Variants in TESK2 observed in about 807,000 individuals in gnomAD.
The protein encoded by TESK2 is testis associated actin remodelling kinase 2, also known as dual specificity testis-specific protein kinase 2.
In TESK2, 39 loss-of-function variants were observed where a neutral mutation model predicts 57.1. The observed-to-expected ratio is 0.68, with a 90% CI of 0.53 to 0.89. The LOEUF (loss-of-function observed/expected upper bound fraction) is 0.89, where lower values mean the gene tolerates loss of function less well. Among genes scored for constraint, TESK2 ranks in the 40% least tolerant of loss-of-function variants. The pLI, the probability that TESK2 is intolerant of heterozygous loss-of-function variation, is 0.00. For missense variants in TESK2, 646 were observed against 732.1 expected (o/e 0.88, Z 1.36); for synonymous variants, 249 against 267.9 (o/e 0.93, Z 0.69).
intron 3 of TESK2, among the ~76,000 whole-genome samples, chr1:45,391,455 C>A (rs993403571): frequency 6.6e-6 from 1 of 152,090 alleles, no homozygotes. Context: ...TTGTGTCAAG[C>A]AATCCTCCTG....
intron 1 of TESK2, among the ~76,000 whole-genome samples, chr1:45,458,953 ACTC>A (rs1652227337): frequency 6.6e-6 from 1 of 151,996 alleles, no homozygotes; most frequent in Non-Finnish European, 1.5e-5. Flanking sequence ...CAACATTGTG[ACTC>A]CTCAATTAGT....
chr1:45,344,589 T>C lies in TESK2; in HGVS notation c.*251A>G. 2.0e-6 allele frequency: 1 copy of C among 501,640 alleles called. No individual in the cohort carries two copies. Among genetic ancestry groups the C allele is most frequent in the South Asian group, 2.5e-5 (1 of 40,602 alleles). 31.1% of individuals were successfully genotyped at this position (501,640 alleles called of 1,614,324 possible). ...CTGGGGAAGTACACTGGAGAGGGTCTGGTGGGAGGCAGACCTCCTTGCTGG... is the reference window on the plus strand; with the variant it reads ...CTGGGGAAGTACACTGGAGAGGGTCCGGTGGGAGGCAGACCTCCTTGCTGG... On this transcript the variant is annotated 3_prime_UTR_variant, in exon 11 of 11. Transcript: ENST00000372086.
chr1:45,363,672 T>C (rs567722560), intron 4 of TESK2, among the ~76,000 whole-genome samples: 1 of 152,224 alleles, frequency 6.6e-6, no homozygotes, highest in South Asian at 2.1e-4. Context: ...AGAAAGACAG[T>C]CTATGCAAAA....
chr1:45,350,471 C>T (rs568622212), intron 5 of TESK2, among the ~76,000 whole-genome samples: 42 of 152,296 alleles, frequency 2.8e-4, no homozygotes, highest in African/African-American at 9.6e-4. Flanking sequence ...TCCCCTCACC[C>T]GCAACAAACT....
At chr1:45,475,831 A>G (rs894681674) in intron 1 of TESK2, among the ~76,000 whole-genome samples, 1 of 152,192 alleles carries the variant, frequency 6.6e-6, no homozygotes, top group African/African-American at 2.4e-5. Context: ...TCCGGCCTTC[A>G]TCTTTCTCCC....
At chr1:45,381,287 G>T (rs905462204) in intron 4 of TESK2, among the ~76,000 whole-genome samples, 3 of 152,060 alleles carry the variant, frequency 2.0e-5, no homozygotes, top group African/African-American at 7.2e-5. Flanking sequence ...CCAATTCTTC[G>T]CCTTCTACTG....
intron 1 of TESK2, among the ~76,000 whole-genome samples, chr1:45,466,139 C>T (rs904692066): frequency 3.3e-5 from 5 of 151,978 alleles, no homozygotes; most frequent in Non-Finnish European, 5.9e-5. Flanking sequence ...CCCAGGAGTT[C>T]GAGGCCAGTC....
At chr1:45,471,852 C>A (rs1243068997) in intron 1 of TESK2, among the ~76,000 whole-genome samples, 2 of 152,154 alleles carry the variant, frequency 1.3e-5, no homozygotes, top group Non-Finnish European at 2.9e-5. Context: ...GGCATGATCA[C>A]TGCACACTAC....
intron 1 of TESK2, among the ~76,000 whole-genome samples, chr1:45,465,137 G>A (rs1278672133): frequency 2.0e-5 from 3 of 152,000 alleles, no homozygotes; most frequent in South Asian, 2.1e-4. Flanking sequence ...TCAGGAGGCT[G>A]AGGCATGAGA....
rs559871965 is a variant in TESK2, at chr1:45,440,600, C to A, written c.222+16964G>T. On this transcript the variant is annotated intron_variant, in intron 2 of 10. Coordinates refer to ENST00000372086, the MANE Select transcript of TESK2 (RefSeq NM_007170.3). Reference sequence around the variant, plus strand: ...GCATGGTGGTGTGTGCTTGTATTCCCAGCTACCCAGGAGGCTGAGGCAGAA... The same window carrying A: ...GCATGGTGGTGTGTGCTTGTATTCCAAGCTACCCAGGAGGCTGAGGCAGAA... Among the ~76,000 whole-genome samples the A allele has an allele frequency of 4.6e-5, 7 of 151,884 alleles. No homozygotes were observed. The South Asian group carries it at 1.5e-3, about 32-fold the overall frequency.
intron 4 of TESK2, among the ~76,000 whole-genome samples, chr1:45,368,772 G>C (rs977787683): frequency 6.6e-6 from 1 of 151,670 alleles, no homozygotes; most frequent in Non-Finnish European, 1.5e-5. Flanking sequence ...TTTTGAGATG[G>C]AGTTTTGTTC....
intron 1 of TESK2, among the ~76,000 whole-genome samples, chr1:45,469,271 A>G (rs990735703): frequency 6.6e-6 from 1 of 152,134 alleles, no homozygotes; most frequent in African/African-American, 2.4e-5. Flanking sequence ...TATCAAGGAA[A>G]TTTTTAGGAC....
chr1:45,474,562 T>C (rs1652907373), intron 1 of TESK2, among the ~76,000 whole-genome samples: 1 of 152,044 alleles, frequency 6.6e-6, no homozygotes, highest in Non-Finnish European at 1.5e-5. Flanking sequence ...AATCTCCACC[T>C]CCTGGGTTCG....
intron 4 of TESK2, among the ~76,000 whole-genome samples, chr1:45,365,307 G>T (rs1647864929): frequency 6.6e-6 from 1 of 152,102 alleles, no homozygotes; most frequent in Non-Finnish European, 1.5e-5. Flanking sequence ...GGGCCTGCCT[G>T]ACTGAAACAG....
chr1:45,418,097 T>C (rs929905746), intron 3 of TESK2, among the ~76,000 whole-genome samples: 2 of 152,214 alleles, frequency 1.3e-5, no homozygotes, highest in Non-Finnish European at 2.9e-5. Context: ...AAAATGCTAA[T>C]ACTAGTTTTA....
intron 3 of TESK2, among the ~76,000 whole-genome samples, chr1:45,413,084 G>C (rs1252134494): frequency 6.6e-6 from 1 of 152,136 alleles, no homozygotes; most frequent in Non-Finnish European, 1.5e-5. Context: ...CATAGAACTG[G>C]GTTACAGATC....
At chr1:45,400,315 T>A (rs1649546158) in intron 3 of TESK2, among the ~76,000 whole-genome samples, 1 of 152,138 alleles carries the variant, frequency 6.6e-6, no homozygotes, top group Non-Finnish European at 1.5e-5. Context: ...AAATGGATTC[T>A]CCTCTAGAGC....
intron 4 of TESK2, among the ~76,000 whole-genome samples, chr1:45,381,668 A>G (rs1648656710): frequency 6.6e-6 from 1 of 152,094 alleles, no homozygotes; most frequent in Non-Finnish European, 1.5e-5. Context: ...AACTCTGGAA[A>G]TGTATGAGAA....
At chr1:45,356,993 AG>A (rs1647452216) in intron 4 of TESK2, among the ~76,000 whole-genome samples, 1 of 152,036 alleles carries the variant, frequency 6.6e-6, no homozygotes, top group Admixed American at 6.6e-5. Flanking sequence ...CAGGAGTTCA[AG>A]ACCAGCCTGG....
Sources: gnomAD v4.1 joint callset for allele counts (sites outside exome capture counted in the v4.1 genomes callset) on GRCh38, gnomAD v4.1.1 for gene constraint, MANE v1.5 for transcripts, NCBI Gene and HGNC (gene_info 2026-07-23, HGNC 2026-07-21) for gene names.